The following FAM120A variants were observed in gnomAD, a reference collection of about 807,000 sequenced individuals.
The protein encoded by FAM120A is constitutive coactivator of PPAR-gamma-like protein 1.
In FAM120A, 15 loss-of-function variants were observed where a neutral mutation model predicts 109.7. That is an observed-to-expected ratio of 0.14 (90% CI 0.09 to 0.21). The LOEUF (loss-of-function observed/expected upper bound fraction) is 0.21. FAM120A is among the 10% of genes least tolerant of loss of function. FAM120A has a pLI of 1.00. For missense variants in FAM120A, 899 were observed against 1,439.3 expected (o/e 0.62, Z 6.07); for synonymous variants, 493 against 572.8 (o/e 0.86, Z 1.99).
rs1861266584 is a variant in FAM120A at position 93,529,994 on chromosome 9, C to T, written c.1734+414C>T. ...TTGTGCTTAGAAAATAATGTTTCCC[C>T]CTTTGAATGGCTCATAGTGCTTCAT... On this transcript the variant is annotated intron_variant, in intron 9 of 17. Transcript: ENST00000277165. 8.3e-6 allele frequency: 3 copies of T among 360,608 alleles called. No individual in the cohort carries two copies. The South Asian group carries it at 1.0e-4, about 13-fold the overall frequency. 22.3% of individuals were successfully genotyped at this position (360,608 alleles called of 1,614,324 possible).
rs1231070071 is a variant in FAM120A, at chr9:93,556,633, A to G, written c.2484+42A>G. ...GGTGGCTGCCTTTAACTGCAATGAAATAAAGCTCACTGGTTAAATCTGTCA... is the reference window on the plus strand; with the variant it reads ...GGTGGCTGCCTTTAACTGCAATGAAGTAAAGCTCACTGGTTAAATCTGTCA... On this transcript the variant is annotated intron_variant, in intron 13 of 17. Coordinates refer to ENST00000277165, the MANE Select transcript of FAM120A (RefSeq NM_014612.5). The G allele has an allele frequency of 2.6e-6, 4 of 1,549,010 alleles. No individual in the cohort carries two copies. In the East Asian group the frequency reaches 9.0e-5, roughly 35 times the overall value.
At chr9:93,480,605 C>T (rs1332188337) in intron 3 of FAM120A, among the ~76,000 whole-genome samples, 1 of 151,844 alleles carries the variant, frequency 6.6e-6, no homozygotes, top group Admixed American at 6.6e-5. Flanking sequence ...CTTTTATGTA[C>T]CTGGAAGAGT....
intron 5 of FAM120A, among the ~76,000 whole-genome samples, chr9:93,506,141 G>C (rs1860042818): frequency 6.6e-6 from 1 of 152,166 alleles, no homozygotes; most frequent in Admixed American, 6.5e-5. Flanking sequence ...TAATATTTCT[G>C]CAAGAGGTCG....
chr9:93,541,064 G>A (rs1476757656), intron 10 of FAM120A, among the ~76,000 whole-genome samples: 1 of 99,568 alleles, frequency 1.0e-5, no homozygotes, highest in African/African-American at 3.8e-5. Context: ...TGTGTATTGT[G>A]GTATGTGTGT....
intron 5 of FAM120A, among the ~76,000 whole-genome samples, chr9:93,506,780 T>G (rs982241823): frequency 3.3e-5 from 5 of 152,024 alleles, no homozygotes; most frequent in African/African-American, 1.2e-4. Context: ...GTATTTTTAG[T>G]AGAGACGGGG....
chr9:93,529,448 G>C lies in FAM120A; in HGVS notation c.1602G>C (p.Ser534=), dbSNP rs780691067. 2 of 1,614,070 alleles carry C rather than the reference G, an allele frequency of 1.2e-6. No individual in the cohort carries two copies. Among genetic ancestry groups the C allele is most frequent in the East Asian group, 4.5e-5 (2 of 44,888 alleles). ...TCCAGCCAATCCCGTGCCTCCTGTC[G>C]ATGCCCACCAGGAACCACATGGACA... ...GTVQPIPCLL[S]MPTRNHMDIT... is the part of the protein sequence containing the mutation. The change falls in exon 9 of 18, where the codon TCG becomes TCC. Residue 534 remains serine, a synonymous_variant. Coordinates refer to ENST00000277165, the MANE Select transcript of FAM120A (RefSeq NM_014612.5).
At chr9:93,492,840 C>T (rs1338951515) in intron 3 of FAM120A, among the ~76,000 whole-genome samples, 1 of 152,196 alleles carries the variant, frequency 6.6e-6, no homozygotes, top group African/African-American at 2.4e-5. Context: ...TGTTGTAGGG[C>T]TGGGGATAGT....
At chr9:93,466,794 T>A (rs1290037363) in intron 1 of FAM120A, among the ~76,000 whole-genome samples, 5 of 152,208 alleles carry the variant, frequency 3.3e-5, no homozygotes, top group Non-Finnish European at 5.9e-5. Flanking sequence ...TGAGGTTCAT[T>A]CTAGCCTTCT....
chr9:93,470,589 C>G (rs1858265371), intron 1 of FAM120A, among the ~76,000 whole-genome samples: 1 of 152,154 alleles, frequency 6.6e-6, no homozygotes, highest in South Asian at 2.1e-4. Context: ...CGTGTGCATC[C>G]TTGTATGGTC....
rs1296334978 is a variant in FAM120A, at chr9:93,561,093, T to A, written c.2807-16T>A. The A allele has an allele frequency of 6.2e-7, 1 of 1,612,138 alleles. No individual in the cohort carries two copies. The highest frequency in any genetic ancestry group is 1.1e-5 in the South Asian group (1 of 90,840). On this transcript the variant is annotated splice_polypyrimidine_tract_variant and intron_variant, in intron 15 of 17. Coordinates refer to ENST00000277165, the MANE Select transcript of FAM120A (RefSeq NM_014612.5). ...TGATTGTAAAGATTTTGTCTTTTTG[T>A]ATATTTTTTATGCAGGAGTCCAACC...
rs537905481 is a variant in FAM120A at position 93,558,625 on chromosome 9, G to A, written c.2713G>A (p.Gly905Ser). Residue 905 changes from glycine to serine, a missense_variant, in exon 15 of 18, where the codon GGC becomes AGC. Gly to Ser is a moderately conservative substitution (Grantham distance 56). Around this residue, in one of 11 missense-constraint regions of FAM120A, gnomAD observed 129 missense variants for 153.4 expected, o/e 0.84. Transcript: ENST00000277165. Reference sequence around the variant, plus strand: ...CCCCTATGGGGAAACGGTAGCAACAGGCCCTTACCGTGCCTTCCGTGTGGC... The same window carrying A: ...CCCCTATGGGGAAACGGTAGCAACAAGCCCTTACCGTGCCTTCCGTGTGGC... ...GGPYGETVAT[G>S]PYRAFRVAAA... The A allele has an allele frequency of 6.2e-7, 1 of 1,614,224 alleles. No homozygotes were observed. The highest frequency in any genetic ancestry group is 1.3e-5 in the African/African-American group (1 of 75,070).
chr9:93,475,059 C>T (rs189637905), intron 2 of FAM120A, among the ~76,000 whole-genome samples: 33 of 152,260 alleles, frequency 2.2e-4, no homozygotes, highest in Non-Finnish European at 4.6e-4. Flanking sequence ...GGTGGAGTGT[C>T]CCTTATCTGA....
Position 93,471,250 on chromosome 9 carries a change from C to G in FAM120A, c.584C>G (p.Pro195Arg). ...YDSDYALCNI[P>R]YYFSAHALKL... is the part of the protein sequence containing the mutation. ...TCTGATTATGCACTGTGCAACATCC[C>G]CTACTATTTCAGTGCCCATGCCCTA... The change falls in exon 2 of 18, where the codon CCC becomes CGC. Residue 195 changes from proline (P) to arginine (R), a missense_variant. By Grantham distance (103) the Pro-to-Arg change is moderately radical (BLOSUM62 -2). This residue lies in a region of FAM120A where 258 missense variants were observed against 451.4 expected (regional missense o/e 0.57). Transcript: ENST00000277165. 3.7e-6 allele frequency: 6 copies of G among 1,614,150 alleles called. No individual in the cohort carries two copies. The highest frequency in any genetic ancestry group is 5.1e-6 in the Non-Finnish European group (6 of 1,180,026).
At chr9:93,545,142 G>A (rs1861835177) in intron 11 of FAM120A, among the ~76,000 whole-genome samples, 1 of 152,014 alleles carries the variant, frequency 6.6e-6, no homozygotes, top group Admixed American at 6.5e-5. Flanking sequence ...CCCTGCCTCA[G>A]CCCTGGGATC....
chr9:93,514,373 G>C (rs906910696), intron 5 of FAM120A, among the ~76,000 whole-genome samples: 2 of 152,192 alleles, frequency 1.3e-5, no homozygotes, highest in Non-Finnish European at 2.9e-5. Flanking sequence ...CTGGTGTTCA[G>C]ATGAAGAGGT....
At chr9:93,485,158 T>C (rs1858987838) in intron 3 of FAM120A, among the ~76,000 whole-genome samples, 1 of 152,154 alleles carries the variant, frequency 6.6e-6, no homozygotes, top group Non-Finnish European at 1.5e-5. Context: ...TGTTGCACGC[T>C]AACTGTACAC....
intron 1 of FAM120A, among the ~76,000 whole-genome samples, chr9:93,465,556 C>G (rs889924188): frequency 6.6e-6 from 1 of 152,010 alleles, no homozygotes. Flanking sequence ...GATGTATTGT[C>G]TTCTAGAATA....
At chr9:93,476,362 T>C in intron 3 of FAM120A, 24 bp downstream of exon 3, 1 of 1,460,974 alleles carries the variant, frequency 6.8e-7, no homozygotes, top group Non-Finnish European at 9.6e-7. Context: ...TTTATTTTTC[T>C]AGCATTTGTA....
At chr9:93,497,882 T>G (rs1020989264) in intron 4 of FAM120A, among the ~76,000 whole-genome samples, 1 of 152,254 alleles carries the variant, frequency 6.6e-6, no homozygotes, top group African/African-American at 2.4e-5. Flanking sequence ...GGTCTCCTGC[T>G]CATAAGTTCT....
Sources: gnomAD v4.1 joint callset for allele counts (sites outside exome capture counted in the v4.1 genomes callset) on GRCh38, gnomAD v4.1.1 for gene constraint, gnomAD v4.1.1 regional missense constraint, MANE v1.5 for transcripts, NCBI Gene and HGNC (gene_info 2026-07-23, HGNC 2026-07-21) for gene names.